The following OCA2 variants were observed in gnomAD, a reference collection of about 807,000 sequenced individuals.
OCA2 encodes the protein P protein.
In OCA2, 77 loss-of-function variants were observed where a neutral mutation model predicts 100.2. That is an observed-to-expected ratio of 0.77 (90% CI 0.64 to 0.93). The LOEUF is 0.93. OCA2 is among the 40% of genes least tolerant of loss of function. OCA2 has a pLI of 0.00. For synonymous variants in OCA2, 432 were observed against 439.2 expected, an observed-to-expected ratio of 0.98 and a Z score of 0.21; for missense variants, 1,062 against 1,089.1, an observed-to-expected ratio of 0.98 and a Z score of 0.35.
rs1474610965 is a variant in OCA2, at chr15:28,047,592, G to A, written c.228-15429C>T. ...AGGGTGAAAATTACCCAGAAAACTA[G>A]GAATAGAAGAGAACTGCCTCAACGT... On this transcript the variant is annotated intron_variant, in intron 2 of 23. Coordinates refer to ENST00000354638, the MANE Select transcript of OCA2 (RefSeq NM_000275.3). 2.0e-5 allele frequency among the ~76,000 whole-genome samples: 3 copies of A among 152,084 alleles called. No individual in the cohort carries two copies. The East Asian group carries it at 5.8e-4, about 29-fold the overall frequency.
At chr15:28,040,311 T>C (rs2043166332) in intron 2 of OCA2, among the ~76,000 whole-genome samples, 1 of 152,098 alleles carries the variant, frequency 6.6e-6, no homozygotes, top group African/African-American at 2.4e-5. Context: ...TTGAGACAAA[T>C]GAAAATGAAA....
intron 23 of OCA2, among the ~76,000 whole-genome samples, chr15:27,792,529 G>A (rs1195593293): frequency 6.6e-6 from 1 of 152,118 alleles, no homozygotes; most frequent in Non-Finnish European, 1.5e-5. Context: ...CCAGCCCCAA[G>A]CAGCCTCACC....
intron 23 of OCA2, among the ~76,000 whole-genome samples, chr15:27,776,974 T>TGGGGGGGGGGGGGGGGGGGGGGG (rs368182175): frequency 9.3e-5 from 4 of 43,214 alleles, no homozygotes; most frequent in Non-Finnish European, 1.4e-4. Flanking sequence ...GAGCGTGAGG[T>TGGGGGGGGGGGGGGGGGGGGGGG]GGGGGGGGGT....
At chr15:28,089,534 G>A (rs2044837324) in intron 1 of OCA2, among the ~76,000 whole-genome samples, 1 of 151,912 alleles carries the variant, frequency 6.6e-6, no homozygotes, top group Non-Finnish European at 1.5e-5. Flanking sequence ...CTCCATTCGG[G>A]GTCCCTGACT....
chr15:27,858,239 TG>T (rs2036011036), intron 21 of OCA2, among the ~76,000 whole-genome samples: 1 of 152,060 alleles, frequency 6.6e-6, no homozygotes, highest in Non-Finnish European at 1.5e-5. Context: ...CCAGGTGTGG[TG>T]GTGGGCACCT....
intron 23 of OCA2, among the ~76,000 whole-genome samples, chr15:27,796,263 A>G (rs2033327556): frequency 6.6e-6 from 1 of 152,260 alleles, no homozygotes; most frequent in East Asian, 1.9e-4. Flanking sequence ...CTTCTATGAG[A>G]GAAAGCACAG....
At chr15:28,055,820 C>T (rs2043675773) in intron 2 of OCA2, among the ~76,000 whole-genome samples, 1 of 152,198 alleles carries the variant, frequency 6.6e-6, no homozygotes, top group South Asian at 2.1e-4. Flanking sequence ...CCTCACGGTG[C>T]AGCAGGACAG....
chr15:27,993,247 C>T (rs1034539627), intron 9 of OCA2, among the ~76,000 whole-genome samples: 1 of 152,048 alleles, frequency 6.6e-6, no homozygotes, highest in Non-Finnish European at 1.5e-5. Flanking sequence ...GGATTAAGTG[C>T]TCTACACACA....
At chr15:28,098,060 C>T (rs2045019004) in intron 1 of OCA2, among the ~76,000 whole-genome samples, 1 of 152,210 alleles carries the variant, frequency 6.6e-6, no homozygotes, top group Non-Finnish European at 1.5e-5. Flanking sequence ...ATCCTCAGAT[C>T]TCAGCTGCTC....
In OCA2 at chr15:27,986,542, ATAAAT is replaced by A. The variant is rs778523419; in HGVS notation, c.1239+40_1239+44del. On this transcript the variant is annotated intron_variant, in intron 12 of 23. Transcript: ENST00000354638. ...TATATAATGTCAGAAAAATACATAT[ATAAAT>A]TAATCAGGATAGAATTATTAAATGC... The A allele has an allele frequency of 1.5e-4, 172 of 1,126,034 alleles. No homozygotes were observed. The African/African-American group carries it at 2.5e-3, about 16-fold the overall frequency. 69.8% of individuals were successfully genotyped at this position (1,126,034 alleles called of 1,614,324 possible). A position where few individuals can be genotyped will look rare whatever the true frequency, so the allele number is the denominator to read the frequency against.
intron 9 of OCA2, among the ~76,000 whole-genome samples, chr15:28,002,028 G>A (rs556191055): frequency 2.0e-5 from 3 of 152,292 alleles, no homozygotes; most frequent in East Asian, 1.9e-4. Context: ...TCACTGACAC[G>A]GCAAACACTG....
rs11292828 is a variant in OCA2 at position 28,051,595 on chromosome 15, CTTTTTTTTTTT to C, written c.228-19443_228-19433del. Among the ~76,000 whole-genome samples, 75 of 82,492 alleles carry C rather than the reference CTTTTTTTTTTT, an allele frequency of 9.1e-4. 1 individual carries two copies. The South Asian group carries it at 0.034, about 37-fold the overall frequency. The allele number at this position is 82,492 out of a possible 152,430, so 54.1% of individuals were successfully genotyped here. A position where few individuals can be genotyped will look rare whatever the true frequency, so the allele number is the denominator to read the frequency against. ...GCATGAGCCACTGCGCCTGGCCTTC[CTTTTTTTTTTT>C]TTTTTTTTTTTTTTTTAATAGACAC... On this transcript the variant is annotated intron_variant, in intron 2 of 23. Coordinates refer to ENST00000354638, the MANE Select transcript of OCA2 (RefSeq NM_000275.3).
rs111486546 is a variant in OCA2, at chr15:27,863,278, G to A, written c.2244+7876C>T. On this transcript the variant is annotated intron_variant, in intron 21 of 23. Transcript: ENST00000354638. The stretch of plus-strand genomic sequence containing the variant: ...CAGCCACCCAGCAGCAGTTCCGGGC[G>A]GATCCCCTGGTAAAGGTGTACAAGT... Among the ~76,000 whole-genome samples the A allele has an allele frequency of 8.7e-4, 132 of 152,266 alleles. 2 individuals carry two copies. Among genetic ancestry groups the A allele is most frequent in the African/African-American group, 3.0e-3 (124 of 41,554 alleles).
intron 23 of OCA2, among the ~76,000 whole-genome samples, chr15:27,793,974 G>A (rs940573826): frequency 6.6e-6 from 1 of 152,130 alleles, no homozygotes; most frequent in African/African-American, 2.4e-5. Flanking sequence ...GCACTTGGTG[G>A]GACTGTGTGT....
At chr15:28,004,748 C>T (rs1431351772) in intron 9 of OCA2, among the ~76,000 whole-genome samples, 1 of 152,144 alleles carries the variant, frequency 6.6e-6, no homozygotes. Context: ...TGCAATCACA[C>T]ACAGACACAT....
At chr15:27,721,189 C>T in the OCA2 span, among the ~76,000 whole-genome samples, 1 of 152,108 alleles carries the variant, frequency 6.6e-6, no homozygotes, top group African/African-American at 2.4e-5. Context: ...TTTCTGATTT[C>T]AAATCCATTT....
intron 23 of OCA2, among the ~76,000 whole-genome samples, chr15:27,785,095 T>TA (rs2151102572): frequency 6.6e-6 from 1 of 152,154 alleles, no homozygotes; most frequent in South Asian, 2.1e-4. Context: ...ACCACCACAT[T>TA]ACATACAGAA....
At chr15:27,950,625 A>T in intron 18 of OCA2, 1 of 480,866 alleles carries the variant, frequency 2.1e-6, no homozygotes, top group Non-Finnish European at 4.1e-6. Context: ...AATACATAAC[A>T]CAAAGCTGGA....
At chr15:28,026,379 T>C (rs1315168112) in intron 4 of OCA2, among the ~76,000 whole-genome samples, 2 of 152,174 alleles carry the variant, frequency 1.3e-5, no homozygotes, top group African/African-American at 4.8e-5. Flanking sequence ...GTGTCAGCGT[T>C]TGCCATCTTG....
Sources: gnomAD v4.1 joint callset for allele counts (sites outside exome capture counted in the v4.1 genomes callset) on GRCh38, gnomAD v4.1.1 for gene constraint, MANE v1.5 for transcripts, NCBI Gene and HGNC (gene_info 2026-07-23, HGNC 2026-07-21) for gene names.